ZNF507: variants seen among roughly 807,000 people sequenced by gnomAD.
ZNF507 encodes the protein zinc finger protein 507.
Under a neutral mutation model 80.0 loss-of-function variants are expected in ZNF507, and 29 were observed. The observed-to-expected ratio is 0.36, with a 90% CI of 0.27 to 0.49. The LOEUF (loss-of-function observed/expected upper bound fraction) is 0.49. ZNF507 is among the 20% of genes least tolerant of loss of function. The pLI is 0.98. For missense variants in ZNF507, 1,081 were observed against 1,152.2 expected (o/e 0.94, Z 0.90); for synonymous variants, 462 against 422.5 (o/e 1.09, Z -1.15).
chr19:32,360,542 G>A lies in ZNF507; in HGVS notation c.2284G>A (p.Val762Met), dbSNP rs376294101. The A allele has an allele frequency of 1.9e-5, 31 of 1,601,004 alleles. No individual in the cohort carries two copies. In the East Asian group the frequency reaches 2.5e-4, roughly 13 times the overall value. ...SSVQKQYRCD[V>M]CDYTSTTYVG... ...AGTCCAGAAACAATATAGATGTGAT[G>A]TGTGTGATTATACAAGTACAACATA... The change falls in exon 5 of 7, where the codon GTG becomes ATG. Residue 762 changes from valine to methionine, a missense_variant. Val to Met is a conservative substitution (Grantham distance 21). This residue lies in a region of ZNF507 where 40 missense variants were observed against 52.4 expected (regional missense o/e 0.76). Coordinates refer to ENST00000355898, the MANE Select transcript of ZNF507 (RefSeq NM_001136156.2).
At chr19:32,349,770 G>A (rs893745802) in intron 2 of ZNF507, among the ~76,000 whole-genome samples, 7 of 152,080 alleles carry the variant, frequency 4.6e-5, no homozygotes, top group African/African-American at 1.7e-4. Context: ...ATTATGATCT[G>A]TTTAGCCTTT....
chr19:32,354,700 A>G lies in ZNF507; in HGVS notation c.1870A>G (p.Ser624Gly). The G allele has an allele frequency of 1.2e-6, 2 of 1,614,192 alleles. No individual in the cohort carries two copies. Among genetic ancestry groups the G allele is most frequent in the East Asian group, 2.2e-5 (1 of 44,882 alleles). The change falls in exon 3 of 7, where the codon AGT (serine) becomes GGT (glycine). Residue 624 changes from serine to glycine, a missense_variant. Coordinates refer to ENST00000355898, the MANE Select transcript of ZNF507 (RefSeq NM_001136156.2). Reference sequence around the variant, plus strand: ...CCAGTGCCAACCCAACAGCGATACAAGTTTGTCCGGAAACAATGTGGTGGA... The same window carrying G: ...CCAGTGCCAACCCAACAGCGATACAGGTTTGTCCGGAAACAATGTGGTGGA... The part of the protein sequence containing the change: ...NAQCQPNSDT[S>G]LSGNNVVEYI...
At chr19:32,352,089 A>G (rs1967176843) in intron 2 of ZNF507, among the ~76,000 whole-genome samples, 2 of 151,176 alleles carry the variant, frequency 1.3e-5, no homozygotes, top group South Asian at 2.1e-4. Context: ...AAAAAACCAT[A>G]TATGTGGATA....
intron 5 of ZNF507, among the ~76,000 whole-genome samples, chr19:32,363,188 G>A (rs564442456): frequency 1.3e-5 from 2 of 152,290 alleles, no homozygotes; most frequent in South Asian, 4.1e-4. Context: ...TATGGTCAGA[G>A]TTTGGGCTTG....
rs1343702963 is a variant in ZNF507 at position 32,387,333 on chromosome 19, C to G, written c.*4250C>G. On this transcript the variant is annotated 3_prime_UTR_variant, in exon 7 of 7. Transcript: ENST00000355898. ...AACATCATCTGACTGTATCGTGGGT[C>G]TGGTTATCCATTTGTGCCCTAGAAT... 1 of 152,158 alleles carries G rather than the reference C, an allele frequency of 6.6e-6. No homozygotes were observed. Among genetic ancestry groups the G allele is most frequent in the Non-Finnish European group, 1.5e-5 (1 of 68,032 alleles). 9.4% of individuals were successfully genotyped at this position (152,158 alleles called of 1,614,324 possible). A position where few individuals can be genotyped will look rare whatever the true frequency, so the allele number is the denominator to read the frequency against.
At chr19:32,381,052 C>T (rs949753882) in intron 5 of ZNF507, among the ~76,000 whole-genome samples, 23 of 152,242 alleles carry the variant, frequency 1.5e-4, no homozygotes, top group African/African-American at 5.3e-4. Flanking sequence ...TATGATACAT[C>T]CACACAATGT....
At chr19:32,379,120 A>G (rs978641667) in intron 5 of ZNF507, among the ~76,000 whole-genome samples, 2 of 152,196 alleles carry the variant, frequency 1.3e-5, no homozygotes, top group Non-Finnish European at 2.9e-5. Context: ...TGACCACACT[A>G]CAGTACACAC....
At chr19:32,373,564 A>G (rs746048356) in intron 5 of ZNF507, among the ~76,000 whole-genome samples, 1 of 152,168 alleles carries the variant, frequency 6.6e-6, no homozygotes, top group Non-Finnish European at 1.5e-5. Flanking sequence ...TGTCATCATC[A>G]TGAAATGTCT....
Position 32,387,334 on chromosome 19 carries a change from T to C in ZNF507, c.*4251T>C, listed in dbSNP as rs1011142480. On this transcript the variant is annotated 3_prime_UTR_variant, in exon 7 of 7. Coordinates refer to ENST00000355898, the MANE Select transcript of ZNF507 (RefSeq NM_001136156.2). ...ACATCATCTGACTGTATCGTGGGTC[T>C]GGTTATCCATTTGTGCCCTAGAATC... The C allele has an allele frequency of 3.9e-5, 6 of 152,220 alleles. No individual in the cohort carries two copies. Among genetic ancestry groups the C allele is most frequent in the African/African-American group, 1.4e-4 (6 of 41,452 alleles). 9.4% of individuals were successfully genotyped at this position (152,220 alleles called of 1,614,324 possible).
intron 5 of ZNF507, among the ~76,000 whole-genome samples, chr19:32,366,561 C>A (rs2145330729): frequency 6.6e-6 from 1 of 152,288 alleles, no homozygotes; most frequent in East Asian, 1.9e-4. Context: ...TTCATTGTTA[C>A]ATAGTATTCC....
intron 1 of ZNF507, 40 bp from the exon 2 acceptor site, chr19:32,347,205 G>T (rs1967108073): frequency 6.6e-6 from 1 of 152,506 alleles, no homozygotes; most frequent in East Asian, 1.9e-4. Flanking sequence ...CCAAGAAAGA[G>T]AAATGTTTTG....
In ZNF507 at chr19:32,385,586, T is replaced by A. The variant is rs1039862653; in HGVS notation, c.*2503T>A. The A allele has an allele frequency of 6.6e-6, 1 of 152,266 alleles. No individual in the cohort carries two copies. Among genetic ancestry groups the A allele is most frequent in the African/African-American group, 2.4e-5 (1 of 41,462 alleles). The allele number at this position is 152,266 out of a possible 1,614,324, so 9.4% of individuals were successfully genotyped here. A position where few individuals can be genotyped will look rare whatever the true frequency, so the allele number is the denominator to read the frequency against. On this transcript the variant is annotated 3_prime_UTR_variant, in exon 7 of 7. Transcript: ENST00000355898. ...TCCCAATACTTTAGAAGGCCAAGGCTGGAGGACTGCTTGAGTCCAGAAGTT... is the reference window on the plus strand; with the variant it reads ...TCCCAATACTTTAGAAGGCCAAGGCAGGAGGACTGCTTGAGTCCAGAAGTT...
intron 2 of ZNF507, among the ~76,000 whole-genome samples, chr19:32,348,655 T>A (rs1378795931): frequency 6.6e-6 from 1 of 152,226 alleles, no homozygotes; most frequent in Admixed American, 6.5e-5. Flanking sequence ...ATAGAACTTT[T>A]CTGGTTTGGG....
intron 3 of ZNF507, 67 bp from the exon 4 acceptor site, chr19:32,356,549 T>C (rs1967254662): frequency 8.7e-7 from 1 of 1,150,400 alleles, no homozygotes; most frequent in Non-Finnish European, 1.3e-6. Context: ...AACCTGTTCT[T>C]CTACAGCCTC....
chr19:32,371,508 T>G (rs1599555729), intron 5 of ZNF507, among the ~76,000 whole-genome samples: 1 of 150,336 alleles, frequency 6.7e-6, no homozygotes. Flanking sequence ...ACTGTGCCCG[T>G]CAGCCCAGGA....
intron 5 of ZNF507, among the ~76,000 whole-genome samples, chr19:32,371,257 C>T (rs982342861): frequency 1.4e-4 from 22 of 151,946 alleles, no homozygotes; most frequent in African/African-American, 5.3e-4. Context: ...GGTGGATCAC[C>T]TGAGGCCGAT....
chr19:32,382,407 A>G, intron 5 of ZNF507, 60 bp from the exon 6 acceptor site: 1 of 1,585,488 alleles, frequency 6.3e-7, no homozygotes, highest in South Asian at 1.1e-5. Context: ...CAGAATCATG[A>G]TAATTTTTCA....
intron 5 of ZNF507, among the ~76,000 whole-genome samples, chr19:32,381,130 A>G (rs568773102): frequency 5.9e-5 from 9 of 152,298 alleles, no homozygotes; most frequent in East Asian, 1.9e-4. Context: ...GCATATCGCT[A>G]TGATTCCAAT....
intron 5 of ZNF507, chr19:32,380,506 A>G (rs1967609599): frequency 8.3e-7 from 1 of 1,200,352 alleles, no homozygotes; most frequent in Non-Finnish European, 1.2e-6. Context: ...TGGGTGAGAA[A>G]AAGAGTTTAG....
Sources: gnomAD v4.1 joint callset for allele counts (sites outside exome capture counted in the v4.1 genomes callset) on GRCh38, gnomAD v4.1.1 for gene constraint, gnomAD v4.1.1 regional missense constraint, MANE v1.5 for transcripts, NCBI Gene and HGNC (gene_info 2026-07-23, HGNC 2026-07-21) for gene names.